NPAS3: variants seen among roughly 807,000 people sequenced by gnomAD.
NPAS3 encodes the protein neuronal PAS domain protein 3.
Under a neutral mutation model 73.1 loss-of-function variants are expected in NPAS3, and 14 were observed. The ratio of observed to expected loss-of-function variants is 0.19; its 90% CI spans 0.13 to 0.30. NPAS3 has a LOEUF of 0.30. NPAS3 is among the 10% of genes least tolerant of loss of function. The probability of loss-of-function intolerance (pLI) is 1.00; values close to 1 mark genes in which losing one functional copy is unlikely to be tolerated. For synonymous variants in NPAS3, 620 were observed against 541.5 expected, an observed-to-expected ratio of 1.14 and a Z score of -2.01; for missense variants, 1,096 against 1,250.0, an observed-to-expected ratio of 0.88 and a Z score of 1.86.
chr14:33,388,626 G>T (rs559239197), intron 4 of NPAS3, among the ~76,000 whole-genome samples: 1 of 152,220 alleles, frequency 6.6e-6, no homozygotes, highest in South Asian at 2.1e-4. Flanking sequence ...GGGCGTTCTA[G>T]TGAGATTGCA....
chr14:33,565,560 T>A (rs563650324), intron 5 of NPAS3, among the ~76,000 whole-genome samples: 2 of 152,206 alleles, frequency 1.3e-5, no homozygotes, highest in Admixed American at 6.5e-5. Flanking sequence ...TTGAGGTTAG[T>A]ATGTGGCTAA....
intron 11 of NPAS3, among the ~76,000 whole-genome samples, chr14:33,797,952 A>G (rs1388818356): frequency 6.6e-6 from 1 of 152,000 alleles, no homozygotes; most frequent in Non-Finnish European, 1.5e-5. Flanking sequence ...CTTTAAATAT[A>G]CAGAAAGAGA....
intron 4 of NPAS3, among the ~76,000 whole-genome samples, chr14:33,442,414 A>G: frequency 2.1e-5 from 1 of 48,552 alleles, no homozygotes; most frequent in East Asian, 1.5e-3. Context: ...TCCTGTCTTA[A>G]AAAAAAAAAA....
At chr14:33,799,202 T>C (rs892475648) in intron 11 of NPAS3, among the ~76,000 whole-genome samples, 1 of 152,038 alleles carries the variant, frequency 6.6e-6, no homozygotes, top group Non-Finnish European at 1.5e-5. Context: ...TGGTGGTAAG[T>C]GCTGTGGGGG....
At chr14:32,974,866 G>T (rs1224592453) in intron 1 of NPAS3, among the ~76,000 whole-genome samples, 1 of 152,026 alleles carries the variant, frequency 6.6e-6, no homozygotes, top group East Asian at 1.9e-4. Flanking sequence ...TACTAGAAAG[G>T]TCTAAAAATA....
intron 4 of NPAS3, among the ~76,000 whole-genome samples, chr14:33,397,373 A>G (rs987912877): frequency 6.6e-6 from 1 of 152,090 alleles, no homozygotes; most frequent in Non-Finnish European, 1.5e-5. Context: ...TGTTATTTAT[A>G]TGAAGAAACT....
At chr14:33,542,776 G>A (rs2054581645) in intron 4 of NPAS3, among the ~76,000 whole-genome samples, 1 of 152,170 alleles carries the variant, frequency 6.6e-6, no homozygotes, top group African/African-American at 2.4e-5. Flanking sequence ...GAGTGCGCAC[G>A]CACATGATGG....
chr14:33,780,468 A>G (rs1196003790), intron 9 of NPAS3, among the ~76,000 whole-genome samples: 1 of 152,224 alleles, frequency 6.6e-6, no homozygotes, highest in Non-Finnish European at 1.5e-5. Context: ...GGACACTGTC[A>G]TAGACCATGT....
intron 4 of NPAS3, among the ~76,000 whole-genome samples, chr14:33,373,997 CCCT>C (rs1412423966): frequency 2.1e-4 from 32 of 152,170 alleles, no homozygotes; most frequent in African/African-American, 6.0e-4. Flanking sequence ...AGTAAAATAA[CCCT>C]CTTGTTCAGG....
chr14:33,294,010 G>A (rs2042198166), intron 3 of NPAS3, among the ~76,000 whole-genome samples: 1 of 152,144 alleles, frequency 6.6e-6, no homozygotes, highest in South Asian at 2.1e-4. Flanking sequence ...GTAAGAGGAA[G>A]TGCACACAAA....
At chr14:33,050,667 G>T (rs2040671975) in intron 1 of NPAS3, among the ~76,000 whole-genome samples, 2 of 152,142 alleles carry the variant, frequency 1.3e-5, no homozygotes, top group South Asian at 4.1e-4. Flanking sequence ...CAAGAACATA[G>T]CCTATCTACA....
intron 3 of NPAS3, among the ~76,000 whole-genome samples, chr14:33,342,946 C>T (rs1052816509): frequency 6.6e-6 from 1 of 152,112 alleles, no homozygotes; most frequent in Non-Finnish European, 1.5e-5. Context: ...ATCTGAGTGT[C>T]ACGAGGCATT....
At chr14:33,787,479 C>A (rs1037077712) in intron 9 of NPAS3, among the ~76,000 whole-genome samples, 1 of 151,878 alleles carries the variant, frequency 6.6e-6, no homozygotes, top group African/African-American at 2.4e-5. Context: ...GGGGAAAATC[C>A]ATCGATGATG....
At chr14:33,535,529 G>C (rs2054224574) in intron 4 of NPAS3, among the ~76,000 whole-genome samples, 2 of 152,162 alleles carry the variant, frequency 1.3e-5, no homozygotes. Context: ...TATCTGCCTA[G>C]TTCATCATCT....
intron 3 of NPAS3, among the ~76,000 whole-genome samples, chr14:33,310,241 A>G (rs1313280370): frequency 6.6e-6 from 1 of 152,188 alleles, no homozygotes; most frequent in African/African-American, 2.4e-5. Flanking sequence ...GTGGATTTCT[A>G]AAGAAGTGTC....
chr14:32,969,836 A>G (rs12590663), intron 1 of NPAS3, among the ~76,000 whole-genome samples: 17,324 of 152,200 alleles, frequency 0.11, 1,018 homozygotes, highest in South Asian at 0.15. Flanking sequence ...ACACTTTTTT[A>G]AAAAGGTACA....
intron 1 of NPAS3, among the ~76,000 whole-genome samples, chr14:32,978,373 T>C (rs2037772778): frequency 6.6e-6 from 1 of 152,172 alleles, no homozygotes; most frequent in African/African-American, 2.4e-5. Context: ...GCCATCCACA[T>C]ACAACTCAGA....
rs114989175 is a variant in NPAS3 at position 32,978,445 on chromosome 14, T to C, written c.50+39079T>C. On this transcript the variant is annotated intron_variant, in intron 1 of 11. Transcript: ENST00000356141. The stretch of plus-strand genomic sequence containing the variant: ...CCTCCAGAGTTCTGCAAAATGGTAG[T>C]ACTGGCTGGGAACTTCTGTCTTGAG... 2.6e-3 allele frequency among the ~76,000 whole-genome samples: 392 copies of C among 152,306 alleles called. 2 individuals are homozygous for C. The highest frequency in any genetic ancestry group is 9.1e-3 in the African/African-American group (380 of 41,568).
intron 7 of NPAS3, among the ~76,000 whole-genome samples, chr14:33,765,731 C>T (rs1176653372): frequency 3.9e-5 from 6 of 152,138 alleles, no homozygotes. Flanking sequence ...CTGTGATGTG[C>T]ACCTGGGTCA....
Sources: allele counts gnomAD v4.1 joint callset (sites outside exome capture counted in the v4.1 genomes callset), GRCh38; gene constraint gnomAD v4.1.1; transcripts MANE v1.5; gene names NCBI Gene and HGNC (gene_info 2026-07-23, HGNC 2026-07-21).